Variants in UPF3A observed in about 807,000 individuals in gnomAD.
UPF3A encodes regulator of nonsense transcripts 3A.
Under a neutral mutation model 53.5 loss-of-function variants are expected in UPF3A, and 42 were observed. That is an observed-to-expected ratio of 0.78 (90% CI 0.61 to 1.01). UPF3A has a LOEUF of 1.01. Among genes scored for constraint, UPF3A ranks in the 50% least tolerant of loss-of-function variants. The probability of loss-of-function intolerance (pLI) is 0.00; values close to 1 mark genes in which losing one functional copy is unlikely to be tolerated. For synonymous variants in UPF3A, 237 were observed against 225.3 expected (o/e 1.05, Z -0.47); for missense variants, 575 against 598.0 (o/e 0.96, Z 0.40).
chr13:114,296,826 G>GCAGTGTCAGAAATGTAAGAA (rs1325147191), intron 7 of UPF3A, among the ~76,000 whole-genome samples: 6 of 152,174 alleles, frequency 3.9e-5, no homozygotes, highest in Non-Finnish European at 8.8e-5. Flanking sequence ...AAAAAGACGT[G>GCAGTGTCAGAAATGTAAGAA]CAGTGTCAGA....
chr13:114,299,054 G>C, intron 8 of UPF3A, 54 bp downstream of exon 8: 1 of 1,506,618 alleles, frequency 6.6e-7, no homozygotes, highest in Non-Finnish European at 8.9e-7. Context: ...TGGTGACGTA[G>C]GCTTTGTCAG....
chr13:114,287,786 A>G (rs951764275), intron 5 of UPF3A, among the ~76,000 whole-genome samples: 4 of 152,160 alleles, frequency 2.6e-5, no homozygotes, highest in Non-Finnish European at 5.9e-5. Flanking sequence ...TATTACTGAA[A>G]TAGTCCGTTC....
intron 8 of UPF3A, among the ~76,000 whole-genome samples, 182 bp downstream of exon 8, chr13:114,299,182 G>A (rs1566767194): frequency 6.6e-6 from 1 of 152,172 alleles, no homozygotes; most frequent in Non-Finnish European, 1.5e-5. Flanking sequence ...CGTCTTGTCT[G>A]CAGTCTCAAG....
chr13:114,296,143 G>C (rs1248639558), intron 7 of UPF3A, among the ~76,000 whole-genome samples: 1 of 152,210 alleles, frequency 6.6e-6, no homozygotes, highest in Non-Finnish European at 1.5e-5. Context: ...CCAGCTCTTT[G>C]GGGGGCCAAG....
rs777640287 is a variant in UPF3A, at chr13:114,281,634, T to C, written c.-6T>C. The C allele has an allele frequency of 1.0e-5, 15 of 1,442,512 alleles. No individual in the cohort carries two copies. Among genetic ancestry groups the C allele is most frequent in the Non-Finnish European group, 1.3e-5 (14 of 1,097,076 alleles). The allele number at this position is 1,442,512 out of a possible 1,614,324, so 89.4% of individuals were successfully genotyped here. A position where few individuals can be genotyped will look rare whatever the true frequency, so the allele number is the denominator to read the frequency against. ...CTGGCGGCTGCGGCTCGGCGGAGAG[T>C]GCGGCATGCGCTCGGAAAAGGAGGG... is the stretch of plus-strand genomic sequence containing the variant. On this transcript the variant is annotated 5_prime_UTR_variant, in exon 1 of 10. Coordinates refer to ENST00000375299, the MANE Select transcript of UPF3A (RefSeq NM_023011.4).
At chr13:114,286,774 CAAAAGAATGGCAAGATGGCAGCATGGG>C (rs1399109988) in intron 5 of UPF3A, 145 bp downstream of exon 5, 2 of 676,290 alleles carry the variant, frequency 3.0e-6, no homozygotes, top group African/African-American at 3.6e-5. Flanking sequence ...CCAGTTTTGA[CAAAAGAATGGCAAGATGGCAGCATGGG>C]AAAATATTTC....
Position 114,301,740 on chromosome 13 carries a change from C to T in UPF3A, c.1017C>T (p.Ser339=), listed in dbSNP as rs895241723. 19 of 1,609,596 alleles carry T rather than the reference C, an allele frequency of 1.2e-5. No homozygotes were observed. The highest frequency in any genetic ancestry group is 2.7e-5 in the African/African-American group (2 of 74,758). ...SLEEPQETSH[S]GSDKEHRDVE... is the part of the protein sequence containing the mutation. ...TTGTGTTGAATCATAGGTCACACAGCGGCAGTGATAAAGAGCACAGGGATG... is the reference window on the plus strand; with the variant it reads ...TTGTGTTGAATCATAGGTCACACAGTGGCAGTGATAAAGAGCACAGGGATG... The change falls in exon 9 of 10, where the codon AGC becomes AGT. Residue 339 remains serine (S), a synonymous_variant. Coordinates refer to ENST00000375299, the MANE Select transcript of UPF3A (RefSeq NM_023011.4).
chr13:114,299,633 G>A (rs1464966310), intron 8 of UPF3A, among the ~76,000 whole-genome samples: 2 of 152,222 alleles, frequency 1.3e-5, no homozygotes, highest in Non-Finnish European at 2.9e-5. Flanking sequence ...CTGCGAAAGG[G>A]ACAGACACAG....
chr13:114,295,329 G>GCGGCTCTGGCGTGCTCCC lies in UPF3A; in HGVS notation c.847-3510_847-3509insGGCTCTGGCGTGCTCCCC, dbSNP rs1566756561. Among the ~76,000 whole-genome samples, 375 of 141,088 alleles carry GCGGCTCTGGCGTGCTCCC rather than the reference G, an allele frequency of 2.7e-3. 2 individuals are homozygous for GCGGCTCTGGCGTGCTCCC. Among genetic ancestry groups the GCGGCTCTGGCGTGCTCCC allele is most frequent in the African/African-American group, 8.5e-3 (324 of 37,966 alleles). 92.6% of individuals were successfully genotyped at this position (141,088 alleles called of 152,430 possible). On this transcript the variant is annotated intron_variant, in intron 7 of 9. Coordinates refer to ENST00000375299, the MANE Select transcript of UPF3A (RefSeq NM_023011.4). ...TGGCCTGCTCCCCAGCTCGTCTCCA[G>GCGGCTCTGGCGTGCTCCC]CAGCTCTGGCCTGCTCCCCAGCTCG...
rs1359187172 is a variant in UPF3A, at chr13:114,291,769, G to T, written c.823G>T (p.Ala275Ser). 6.3e-7 allele frequency: 1 copy of T among 1,591,562 alleles called. No individual in the cohort carries two copies. The highest frequency in any genetic ancestry group is 1.2e-5 in the South Asian group (1 of 86,004). The change falls in exon 7 of 10, where the codon GCA (alanine) becomes TCA (serine). Residue 275 changes from alanine (A) to serine (S), a missense_variant. Physicochemically the swap from Ala to Ser is moderately conservative, Grantham distance 99. This residue lies in a region of UPF3A where 323 missense variants were observed against 415.2 expected (regional missense o/e 0.78). Transcript: ENST00000375299. ...KKETDKQKKI[A>S]EKEVRIKLLK... is the part of the protein sequence containing the mutation. ...AGAGACAGATAAACAGAAGAAAATT[G>T]CAGAGAAAGAAGTAAGGATTAAGGT...
intron 9 of UPF3A, among the ~76,000 whole-genome samples, chr13:114,302,531 A>G (rs935396196): frequency 3.2e-4 from 48 of 152,034 alleles, no homozygotes; most frequent in Non-Finnish European, 5.4e-4. Context: ...GCGCAGCACT[A>G]CAGATGGCAT....
rs3752107 is a variant in UPF3A at position 114,298,948 on chromosome 13, G to A, written c.955G>A (p.Ala319Thr). The A allele has an allele frequency of 0.066, 106,695 of 1,610,302 alleles. 3,913 individuals carry two copies. Among genetic ancestry groups the A allele is most frequent in the Middle Eastern group, 0.1 (624 of 6,036 alleles). Residue 319 changes from alanine (A) to threonine (T), a missense_variant, in exon 8 of 10, where the codon GCA becomes ACA. Physicochemically the swap from Ala to Thr is moderately conservative, Grantham distance 58. This residue lies in a region of UPF3A where 323 missense variants were observed against 415.2 expected (regional missense o/e 0.78). Transcript: ENST00000375299. ...CAAGCAGGAATCCTGTGCCCCCGGT[G>A]CAGTCGTAAAAGCCAGGCCCATGGA... ...GGKQESCAPG[A>T]VVKARPMEGS...
rs777153319 is a variant in UPF3A, at chr13:114,281,765, T to A, written c.126T>A (p.Ala42=). The A allele has an allele frequency of 6.4e-7, 1 of 1,556,652 alleles. No individual in the cohort carries two copies. Residue 42 remains alanine (A), a synonymous_variant, in exon 1 of 10, where the codon GCT becomes GCA. Transcript: ENST00000375299. ...QFHRDSQQQE[A]ETPPTSSSGC... is the part of the protein sequence containing the mutation. Reference sequence around the variant, plus strand: ...ACCGCGACTCGCAGCAGCAGGAGGCTGAGACGCCGCCAACTTCGTCCTCCG... The same window carrying A: ...ACCGCGACTCGCAGCAGCAGGAGGCAGAGACGCCGCCAACTTCGTCCTCCG...
intron 3 of UPF3A, chr13:114,286,087 G>A: frequency 1.9e-6 from 1 of 533,084 alleles, no homozygotes; most frequent in Admixed American, 3.5e-5. Context: ...TCTGGAGTTT[G>A]CCGTGTTAAG....
At chr13:114,284,252 C>T (rs886753232) in intron 3 of UPF3A, 1 of 177,018 alleles carries the variant, frequency 5.6e-6, no homozygotes, top group Non-Finnish European at 1.1e-5. Context: ...GTCCCAGCTA[C>T]TCGGAAGACT....
intron 7 of UPF3A, among the ~76,000 whole-genome samples, chr13:114,297,830 A>G (rs1223428108): frequency 6.6e-6 from 1 of 152,128 alleles, no homozygotes; most frequent in Non-Finnish European, 1.5e-5. Flanking sequence ...CGTCGTCTCA[A>G]AAAAAACAAC....
Position 114,286,374 on chromosome 13 carries a change from A to G in UPF3A, c.494A>G (p.Asp165Gly). 6.2e-7 allele frequency: 1 copy of G among 1,614,248 alleles called. No homozygotes were observed. Among genetic ancestry groups the G allele is most frequent in the Non-Finnish European group, 8.5e-7 (1 of 1,180,044 alleles). The change falls in exon 4 of 10, where the codon GAT becomes GGT. Residue 165 changes from aspartate to glycine, a missense_variant. Asp to Gly is a moderately conservative substitution (Grantham distance 94, BLOSUM62 -1). Around this residue, in one of 2 missense-constraint regions of UPF3A, gnomAD observed 323 missense variants for 415.2 expected, o/e 0.78. Transcript: ENST00000375299. ...GCCAAAAAGAAGCTGAGAAAAAAAG[A>G]TGCCAAGACTGGAAGCATCGAAGAT... ...KIAKKKLRKKDAKTGSIEDDP... is the reference protein window; with the variant it reads ...KIAKKKLRKKGAKTGSIEDDP...
At chr13:114,296,952 G>A (rs2086098973) in intron 7 of UPF3A, among the ~76,000 whole-genome samples, 1 of 152,164 alleles carries the variant, frequency 6.6e-6, no homozygotes, top group South Asian at 2.1e-4. Flanking sequence ...TTTTATAAAA[G>A]ATGGGCAGTT....
chr13:114,304,878 T>G lies in UPF3A; in HGVS notation c.1392T>G (p.Gly464=), dbSNP rs1594857573. ...GGNRRICKAE[G]SGTGPEKREE... ...ACAGGAGGATCTGCAAGGCAGAAGG[T>G]TCGGGGACTGGTCCTGAGAAGAGGG... is the stretch of plus-strand genomic sequence containing the variant. Residue 464 remains glycine (G), a synonymous_variant, in exon 10 of 10, where the codon GGT becomes GGG. Coordinates refer to ENST00000375299, the MANE Select transcript of UPF3A (RefSeq NM_023011.4). 6.2e-7 allele frequency: 1 copy of G among 1,613,728 alleles called. No individual in the cohort carries two copies. Among genetic ancestry groups the G allele is most frequent in the East Asian group, 2.2e-5 (1 of 44,870 alleles).
Sources: gnomAD v4.1 joint callset for allele counts (sites outside exome capture counted in the v4.1 genomes callset) on GRCh38, gnomAD v4.1.1 for gene constraint, gnomAD v4.1.1 regional missense constraint, MANE v1.5 for transcripts, NCBI Gene and HGNC (gene_info 2026-07-23, HGNC 2026-07-21) for gene names.